Variants in AFF3 observed in about 807,000 individuals in gnomAD.
AFF3 encodes the protein AF4/FMR2 family member 3.
Under a neutral mutation model 129.7 loss-of-function variants are expected in AFF3, and 32 were observed. The observed-to-expected ratio is 0.25, with a 90% confidence interval of 0.19 to 0.33. AFF3 has a LOEUF of 0.33. AFF3 is among the 10% of genes least tolerant of loss of function. The pLI is 1.00. For synonymous variants in AFF3, 644 were observed against 635.4 expected (o/e 1.01, Z -0.20); for missense variants, 1,373 against 1,592.0 (o/e 0.86, Z 2.34).
rs556060379 is a variant in AFF3, at chr2:100,007,163, C to T, written c.472G>A (p.Gly158Ser). Residue 158 changes from glycine to serine, a missense_variant, in exon 6 of 25, where the codon GGC becomes AGC. Around this residue, in one of 9 missense-constraint regions of AFF3, gnomAD observed 255 missense variants for 256.0 expected, o/e 1.00. Transcript: ENST00000672756. Reference sequence around the variant, plus strand: ...CTGTGCTTACTTGCTCTCTGTTGGCCGTCAGAGGGTGGGTGCCCAGCCTTC... The same window carrying T: ...CTGTGCTTACTTGCTCTCTGTTGGCTGTCAGAGGGTGGGTGCCCAGCCTTC... ...WQKAGHPPSDGQQRATQQGSL... is the reference protein window; with the variant it reads ...WQKAGHPPSDSQQRATQQGSL... 39 of 1,614,100 alleles carry T rather than the reference C, an allele frequency of 2.4e-5. No individual in the cohort carries two copies. Among genetic ancestry groups the T allele is most frequent in the East Asian group, 2.2e-4 (10 of 44,880 alleles).
At chr2:99,563,810 C>CAAAAAAAAAAAAAAAAA (rs34843347) in intron 20 of AFF3, among the ~76,000 whole-genome samples, 16 of 76,006 alleles carry the variant, frequency 2.1e-4, no homozygotes, top group East Asian at 4.9e-4. Context: ...AATTTAGTCT[C>CAAAAAAAAAAAAAAAAA]AAAAAAAAAA....
intron 10 of AFF3, among the ~76,000 whole-genome samples, chr2:99,737,209 G>A (rs2105081910): frequency 6.6e-6 from 1 of 152,150 alleles, no homozygotes; most frequent in East Asian, 1.9e-4. Context: ...CTTATTTTAT[G>A]CTATTGTTTT....
chr2:99,833,758 T>C (rs1417993999), intron 8 of AFF3, among the ~76,000 whole-genome samples: 2 of 152,180 alleles, frequency 1.3e-5, no homozygotes, highest in Non-Finnish European at 2.9e-5. Flanking sequence ...CACTGGAACA[T>C]TTAAGGATAA....
At chr2:99,828,986 G>A (rs1688319046) in intron 8 of AFF3, among the ~76,000 whole-genome samples, 2 of 152,090 alleles carry the variant, frequency 1.3e-5, no homozygotes, top group Non-Finnish European at 2.9e-5. Flanking sequence ...CATCAATAGG[G>A]TCTTTGAAAC....
intron 15 of AFF3, among the ~76,000 whole-genome samples, chr2:99,591,577 C>T (rs770920195): frequency 5.9e-5 from 9 of 152,274 alleles, no homozygotes; most frequent in African/African-American, 1.7e-4. Context: ...CTTCTCCATG[C>T]GCACTTACAA....
At chr2:99,817,706 C>T (rs555588907) in intron 8 of AFF3, among the ~76,000 whole-genome samples, 3 of 152,260 alleles carry the variant, frequency 2.0e-5, no homozygotes, top group African/African-American at 4.8e-5. Flanking sequence ...TTTATCAGCA[C>T]TTTACCAAGT....
At chr2:99,784,439 AAGG>A (rs1684637183) in intron 8 of AFF3, among the ~76,000 whole-genome samples, 1 of 152,230 alleles carries the variant, frequency 6.6e-6, no homozygotes, top group Non-Finnish European at 1.5e-5. Context: ...ACAGCACAGA[AAGG>A]AGATGAAAGG....
chr2:100,095,591 C>T (rs1407532361), intron 4 of AFF3, among the ~76,000 whole-genome samples: 1 of 152,172 alleles, frequency 6.6e-6, no homozygotes, highest in African/African-American at 2.4e-5. Context: ...TGGAATACCC[C>T]CCATTGTTTA....
chr2:99,814,695 A>G (rs1444511283), intron 8 of AFF3, among the ~76,000 whole-genome samples: 1 of 152,182 alleles, frequency 6.6e-6, no homozygotes, highest in Non-Finnish European at 1.5e-5. Flanking sequence ...GCTAAAAAAT[A>G]AAAGAAGGAG....
chr2:99,555,614 G>A (rs904330200), intron 22 of AFF3, among the ~76,000 whole-genome samples: 6 of 152,208 alleles, frequency 3.9e-5, no homozygotes, highest in African/African-American at 1.4e-4. Flanking sequence ...TTTCCCCTCT[G>A]AGAACCCAAT....
At chr2:100,090,967 G>A (rs1448792231) in intron 4 of AFF3, among the ~76,000 whole-genome samples, 2 of 152,220 alleles carry the variant, frequency 1.3e-5, no homozygotes, top group Non-Finnish European at 2.9e-5. Context: ...TGGGATTACA[G>A]GCGTGAGCCA....
At chr2:99,606,100 T>C (rs1470415525) in intron 13 of AFF3, among the ~76,000 whole-genome samples, 2 of 152,158 alleles carry the variant, frequency 1.3e-5, no homozygotes, top group Non-Finnish European at 1.5e-5. Context: ...GGCAGCATAG[T>C]GAAACCCTGT....
intron 7 of AFF3, among the ~76,000 whole-genome samples, chr2:99,915,453 TG>T (rs1558971896): frequency 6.6e-6 from 1 of 152,154 alleles, no homozygotes. Flanking sequence ...ATCATACTGA[TG>T]ATCTCTGCGG....
intron 1 of AFF3, among the ~76,000 whole-genome samples, chr2:100,133,455 G>A (rs1692511335): frequency 6.6e-6 from 1 of 151,424 alleles, no homozygotes; most frequent in African/African-American, 2.4e-5. Flanking sequence ...TCTTTTAGAG[G>A]CAGGGTTTCA....
chr2:100,045,011 C>A (rs542212795), intron 4 of AFF3, among the ~76,000 whole-genome samples: 1 of 152,086 alleles, frequency 6.6e-6, no homozygotes, highest in African/African-American at 2.4e-5. Flanking sequence ...GAGCATCAGC[C>A]CACAGCATCT....
intron 7 of AFF3, among the ~76,000 whole-genome samples, chr2:99,972,530 C>T (rs1284036909): frequency 6.6e-6 from 1 of 152,206 alleles, no homozygotes; most frequent in African/African-American, 2.4e-5. Flanking sequence ...CTTTTCATCA[C>T]AGATAGTATT....
chr2:99,905,802 AG>A (rs975043568), intron 7 of AFF3, among the ~76,000 whole-genome samples: 2 of 152,192 alleles, frequency 1.3e-5, no homozygotes, highest in Admixed American at 6.5e-5. Flanking sequence ...TTAGGAATTC[AG>A]TTGGTACTCA....
chr2:99,940,808 G>A (rs796507253), intron 7 of AFF3, among the ~76,000 whole-genome samples: 15 of 152,264 alleles, frequency 9.9e-5, no homozygotes, highest in African/African-American at 2.9e-4. Flanking sequence ...CATGAGATCC[G>A]AGAACCCTCT....
intron 7 of AFF3, among the ~76,000 whole-genome samples, chr2:99,930,050 C>A (rs1489905041): frequency 1.3e-5 from 2 of 151,958 alleles, no homozygotes; most frequent in Non-Finnish European, 2.9e-5. Flanking sequence ...TGTACACAAG[C>A]ATCTCTCTAA....
Sources: gnomAD v4.1 joint callset for allele counts (sites outside exome capture counted in the v4.1 genomes callset) on GRCh38, gnomAD v4.1.1 for gene constraint, gnomAD v4.1.1 regional missense constraint, MANE v1.5 for transcripts, NCBI Gene and HGNC (gene_info 2026-07-23, HGNC 2026-07-21) for gene names.